The following ROBO1 variants were observed in gnomAD, a reference collection of about 807,000 sequenced individuals.
ROBO1 encodes the protein roundabout guidance receptor 1.
In ROBO1, 149 loss-of-function variants were observed where a neutral mutation model predicts 195.9. The ratio of observed to expected loss-of-function variants is 0.76; its 90% CI spans 0.67 to 0.87. The LOEUF (loss-of-function observed/expected upper bound fraction) is 0.87, where lower values mean the gene tolerates loss of function less well. Ranked by LOEUF, ROBO1 falls within the 40% of genes least tolerant of loss-of-function variation. The probability of loss-of-function intolerance (pLI) is 0.00; values close to 1 mark genes in which losing one functional copy is unlikely to be tolerated. For synonymous variants in ROBO1, 816 were observed against 733.2 expected (o/e 1.11, Z -1.82); for missense variants, 1,933 against 2,068.3 (o/e 0.93, Z 1.27).
intron 4 of ROBO1, among the ~76,000 whole-genome samples, chr3:78,758,252 GCTCACGCCTGTAAT>G (rs2082990500): frequency 6.6e-6 from 1 of 152,120 alleles, no homozygotes; most frequent in Admixed American, 6.6e-5. Flanking sequence ...GGGGGCAGTG[GCTCACGCCTGTAAT>G]CCCTGCATTT....
chr3:78,635,491 G>C (rs1017717213), intron 23 of ROBO1, among the ~76,000 whole-genome samples: 1 of 152,038 alleles, frequency 6.6e-6, no homozygotes, highest in African/African-American at 2.4e-5. Flanking sequence ...TCTGCCTCAT[G>C]AATAAAAGAT....
chr3:79,212,127 C>T (rs2081976057), intron 2 of ROBO1, among the ~76,000 whole-genome samples: 1 of 152,180 alleles, frequency 6.6e-6, no homozygotes, highest in Non-Finnish European at 1.5e-5. Context: ...AAGCAGTTTT[C>T]CCGCCCTGGG....
At chr3:78,994,536 T>C (rs1393891457) in intron 3 of ROBO1, among the ~76,000 whole-genome samples, 1 of 152,158 alleles carries the variant, frequency 6.6e-6, no homozygotes, top group East Asian at 1.9e-4. Context: ...CTCAGCAATG[T>C]GAAACACGGC....
chr3:79,423,044 A>T (rs765728798), intron 2 of ROBO1, among the ~76,000 whole-genome samples: 2 of 152,144 alleles, frequency 1.3e-5, no homozygotes, highest in Non-Finnish European at 1.5e-5. Flanking sequence ...CAAACGTCTG[A>T]TATATCCTGA....
chr3:78,696,613 C>T (rs1251343060), intron 8 of ROBO1, among the ~76,000 whole-genome samples: 1 of 149,584 alleles, frequency 6.7e-6, no homozygotes, highest in Non-Finnish European at 1.5e-5. Context: ...AAAATCATTA[C>T]TACCAAAATC....
intron 2 of ROBO1, among the ~76,000 whole-genome samples, chr3:79,396,488 T>C (rs2037160140): frequency 6.6e-6 from 1 of 152,030 alleles, no homozygotes; most frequent in Non-Finnish European, 1.5e-5. Flanking sequence ...AAAAGTACCT[T>C]CGTCTCCATT....
At chr3:79,166,532 C>A (rs1279170663) in intron 2 of ROBO1, among the ~76,000 whole-genome samples, 1 of 150,330 alleles carries the variant, frequency 6.7e-6, no homozygotes, top group South Asian at 2.1e-4. Flanking sequence ...ATGTAAGTTG[C>A]AGGATGGAAG....
chr3:78,895,927 C>G (rs1382685956), intron 4 of ROBO1, among the ~76,000 whole-genome samples: 1 of 152,154 alleles, frequency 6.6e-6, no homozygotes, highest in African/African-American at 2.4e-5. Context: ...CACTTAGAAG[C>G]AATCCTCAAA....
At chr3:78,790,028 C>T (rs2083968693) in intron 4 of ROBO1, among the ~76,000 whole-genome samples, 1 of 152,192 alleles carries the variant, frequency 6.6e-6, no homozygotes, top group Non-Finnish European at 1.5e-5. Context: ...TTAATCTCCT[C>T]TATTGCAGCT....
chr3:79,477,759 C>T (rs2107358471), intron 2 of ROBO1, among the ~76,000 whole-genome samples: 1 of 152,198 alleles, frequency 6.6e-6, no homozygotes, highest in Non-Finnish European at 1.5e-5. Flanking sequence ...TTAAAACACA[C>T]TTTTCTTTAA....
chr3:78,823,187 TGA>T (rs1316324951), intron 4 of ROBO1, among the ~76,000 whole-genome samples: 2 of 50,336 alleles, frequency 4.0e-5, no homozygotes, highest in African/African-American at 9.2e-5. Context: ...TGATTTAAAA[TGA>T]TTTTTTTTTT....
chr3:79,557,856 C>T (rs532813489), intron 2 of ROBO1, among the ~76,000 whole-genome samples: 2 of 151,034 alleles, frequency 1.3e-5, no homozygotes, highest in African/African-American at 4.9e-5. Flanking sequence ...CTTTCCAGAG[C>T]ATGACATCAT....
chr3:79,331,820 A>C (rs1167591035), intron 2 of ROBO1, among the ~76,000 whole-genome samples: 1 of 152,192 alleles, frequency 6.6e-6, no homozygotes, highest in African/African-American at 2.4e-5. Context: ...TGATGATAAT[A>C]AAAGAGCATA....
intron 2 of ROBO1, among the ~76,000 whole-genome samples, chr3:79,485,730 C>T (rs1939124556): frequency 6.6e-6 from 1 of 152,188 alleles, no homozygotes; most frequent in Non-Finnish European, 1.5e-5. Flanking sequence ...GGGCCAACTG[C>T]CACCACATAT....
intron 2 of ROBO1, among the ~76,000 whole-genome samples, chr3:79,248,276 C>T (rs1018580764): frequency 1.3e-5 from 2 of 148,646 alleles, no homozygotes; most frequent in African/African-American, 5.0e-5. Context: ...TTATTAGATG[C>T]TCATTGTGTG....
At chr3:79,097,915 T>C (rs572193546) in intron 3 of ROBO1, among the ~76,000 whole-genome samples, 2 of 151,838 alleles carry the variant, frequency 1.3e-5, no homozygotes, top group South Asian at 4.1e-4. Context: ...CTAGAGATTA[T>C]ATAAAATAAT....
intron 2 of ROBO1, among the ~76,000 whole-genome samples, chr3:79,428,909 G>A (rs2038562293): frequency 6.6e-6 from 1 of 152,068 alleles, no homozygotes; most frequent in Non-Finnish European, 1.5e-5. Context: ...TTGATATGAT[G>A]TTTTAGAAAA....
intron 2 of ROBO1, among the ~76,000 whole-genome samples, chr3:79,501,397 A>G (rs1240874298): frequency 6.6e-6 from 1 of 152,192 alleles, no homozygotes; most frequent in Non-Finnish European, 1.5e-5. Context: ...GCAAAAAGCT[A>G]TTTCTTGGCA....
chr3:78,703,210 A>G (rs1292937105), intron 8 of ROBO1, among the ~76,000 whole-genome samples: 1 of 152,180 alleles, frequency 6.6e-6, no homozygotes, highest in Non-Finnish European at 1.5e-5. Context: ...AAACAAAACA[A>G]AACAAAACAG....
Sources: gnomAD v4.1 joint callset for allele counts (sites outside exome capture counted in the v4.1 genomes callset) on GRCh38, gnomAD v4.1.1 for gene constraint, MANE v1.5 for transcripts, NCBI Gene and HGNC (gene_info 2026-07-23, HGNC 2026-07-21) for gene names.